The following IKZF3 variants were observed in gnomAD, a reference collection of about 807,000 sequenced individuals.
IKZF3 encodes IKAROS family zinc finger 3.
IKZF3 carries 10 observed loss-of-function variants against 49.0 expected under a neutral mutation model. That is an observed-to-expected ratio of 0.20 (90% CI 0.13 to 0.35). IKZF3 has a LOEUF of 0.35. Ranked by LOEUF, IKZF3 falls within the 10% of genes least tolerant of loss-of-function variation. The pLI is 1.00. For synonymous variants in IKZF3, 209 were observed against 228.2 expected, an observed-to-expected ratio of 0.92 and a Z score of 0.76; for missense variants, 498 against 664.8, an observed-to-expected ratio of 0.75 and a Z score of 2.76.
intron 3 of IKZF3, among the ~76,000 whole-genome samples, chr17:39,803,428 C>G (rs2061365122): frequency 2.0e-5 from 3 of 151,988 alleles, no homozygotes; most frequent in African/African-American, 7.3e-5. Flanking sequence ...AAAGTAGTTA[C>G]CTGGTAGAAA....
In IKZF3 at chr17:39,763,546, T is replaced by C. The variant is rs188500605; in HGVS notation, c.*2244A>G. ...ACAGCTGCATGTGCCAATTTGTGTG[T>C]ATGCTTTGTGGCAAGATCAAAATAC... On this transcript the variant is annotated 3_prime_UTR_variant, in exon 8 of 8. Coordinates refer to ENST00000346872, the MANE Select transcript of IKZF3 (RefSeq NM_012481.5). 1 of 152,340 alleles carries C rather than the reference T, an allele frequency of 6.6e-6. No individual in the cohort carries two copies. The highest frequency in any genetic ancestry group is 1.9e-4 in the East Asian group (1 of 5,194). The allele number at this position is 152,340 out of a possible 1,614,324, so 9.4% of individuals were successfully genotyped here.
chr17:39,821,399 G>C (rs1439461785), intron 3 of IKZF3, among the ~76,000 whole-genome samples: 1 of 152,142 alleles, frequency 6.6e-6, no homozygotes, highest in African/African-American at 2.4e-5. Context: ...TAAAAGGGTA[G>C]GGGATGAGGA....
rs1489541524 is a variant in IKZF3, at chr17:39,788,033, G to A, written c.709+225C>T. Among the ~76,000 whole-genome samples the A allele has an allele frequency of 1.3e-5, 2 of 152,176 alleles. 1 individual carries two copies. Among genetic ancestry groups the A allele is most frequent in the Admixed American group, 1.3e-4 (2 of 15,280 alleles). ...AAGAAGTCTGTTAAAATGTTACCTC[G>A]TTGAAGCCTTCCCTGATTCTCACCC... On this transcript the variant is annotated intron_variant, in intron 6 of 7. Coordinates refer to ENST00000346872, the MANE Select transcript of IKZF3 (RefSeq NM_012481.5).
At chr17:39,778,458 A>G (rs1305024529) in intron 6 of IKZF3, among the ~76,000 whole-genome samples, 1 of 152,208 alleles carries the variant, frequency 6.6e-6, no homozygotes, top group African/African-American at 2.4e-5. Context: ...GAAATTAAAG[A>G]ACAATTTGTA....
At chr17:39,778,827 C>CA in intron 6 of IKZF3, among the ~76,000 whole-genome samples, 1 of 152,098 alleles carries the variant, frequency 6.6e-6, no homozygotes, top group Non-Finnish European at 1.5e-5. Context: ...AAACAAAACA[C>CA]AAAAAAACCT....
At chr17:39,798,007 A>G (rs1449307788) in intron 3 of IKZF3, among the ~76,000 whole-genome samples, 1 of 152,086 alleles carries the variant, frequency 6.6e-6, no homozygotes, top group Non-Finnish European at 1.5e-5. Context: ...TACTCAGGCT[A>G]GAATCCTTAG....
intron 1 of IKZF3, among the ~76,000 whole-genome samples, chr17:39,849,664 A>AAAAC (rs144705303): frequency 0.02 from 3,006 of 152,190 alleles, 108 homozygotes; most frequent in African/African-American, 0.069. Context: ...GAAAAAAAAC[A>AAAAC]AAACAAACAA....
chr17:39,822,172 C>T lies in IKZF3; in HGVS notation c.163+7215G>A, dbSNP rs564235259. Among the ~76,000 whole-genome samples, 15 of 152,284 alleles carry T rather than the reference C, an allele frequency of 9.9e-5. 1 individual carries two copies. The South Asian group carries it at 2.7e-3, about 27-fold the overall frequency. ...TACCCCAGATGAAGCAGCTGATATG[C>T]TTCATATGCAAGCCATGTGGAACTG... On this transcript the variant is annotated intron_variant, in intron 3 of 7. Coordinates refer to ENST00000346872, the MANE Select transcript of IKZF3 (RefSeq NM_012481.5).
intron 3 of IKZF3, among the ~76,000 whole-genome samples, chr17:39,820,610 C>T (rs1245768705): frequency 6.6e-6 from 1 of 152,072 alleles, no homozygotes; most frequent in Non-Finnish European, 1.5e-5. Flanking sequence ...TATTGTTTTG[C>T]TTTGTTTTGT....
intron 1 of IKZF3, among the ~76,000 whole-genome samples, chr17:39,851,276 G>A (rs770275569): frequency 5.3e-5 from 8 of 151,878 alleles, no homozygotes; most frequent in South Asian, 2.1e-4. Context: ...TGATCTGCCC[G>A]CCTCGGTCTC....
At chr17:39,769,692 A>G (rs2060387177) in intron 7 of IKZF3, among the ~76,000 whole-genome samples, 1 of 152,026 alleles carries the variant, frequency 6.6e-6, no homozygotes, top group Non-Finnish European at 1.5e-5. Context: ...GGCCACCTCT[A>G]TTCATCTCCC....
intron 1 of IKZF3, among the ~76,000 whole-genome samples, chr17:39,856,017 T>C (rs1029594865): frequency 6.7e-6 from 1 of 148,406 alleles, no homozygotes; most frequent in African/African-American, 2.5e-5. Flanking sequence ...ATAACATGTA[T>C]ATTGTATATG....
intron 3 of IKZF3, among the ~76,000 whole-genome samples, chr17:39,822,156 T>C (rs995167718): frequency 2.6e-5 from 4 of 152,192 alleles, no homozygotes; most frequent in African/African-American, 7.2e-5. Context: ...ATACCCCAGA[T>C]GAAGCAGCTG....
chr17:39,850,575 T>C (rs1456977724), intron 1 of IKZF3, among the ~76,000 whole-genome samples: 1 of 103,606 alleles, frequency 9.7e-6, no homozygotes, highest in Non-Finnish European at 2.0e-5. Context: ...ATATAGTATA[T>C]AGCATATTAT....
intron 1 of IKZF3, among the ~76,000 whole-genome samples, chr17:39,862,710 T>C (rs759412738): frequency 3.9e-5 from 6 of 152,166 alleles, no homozygotes. Context: ...AAGTTATTGA[T>C]CTACATTCTC....
At chr17:39,819,356 T>C (rs1162948676) in intron 3 of IKZF3, among the ~76,000 whole-genome samples, 1 of 152,166 alleles carries the variant, frequency 6.6e-6, no homozygotes, top group Non-Finnish European at 1.5e-5. Flanking sequence ...TCAGAAACTG[T>C]AACTCAGAAA....
intron 3 of IKZF3, among the ~76,000 whole-genome samples, chr17:39,811,318 G>GGAAAGAAAGAAAGAAA (rs71355418): frequency 2.3e-5 from 3 of 132,692 alleles, no homozygotes; most frequent in African/African-American, 8.2e-5. Flanking sequence ...AAAGAGAGAA[G>GGAAAGAAAGAAAGAAA]GAAAGAAAGA....
chr17:39,841,504 G>A (rs2062466562), intron 1 of IKZF3, among the ~76,000 whole-genome samples: 1 of 152,116 alleles, frequency 6.6e-6, no homozygotes, highest in Admixed American at 6.6e-5. Flanking sequence ...TCCACACAGA[G>A]TGGAGGCCAC....
Position 39,791,489 on chromosome 17 carries a change from A to C in IKZF3, c.519T>G (p.Pro173=). ...RHIKLHTGEK[P]FKCHLCNYAC... ...CATAGTTGCAGAGGTGACACTTAAA[A>C]GGTTTTTCCCCTGTGTGCAGTTTAA... The change falls in exon 5 of 8, where the codon CCT becomes CCG. Residue 173 remains proline, a synonymous_variant. Transcript: ENST00000346872. 6.2e-7 allele frequency: 1 copy of C among 1,614,082 alleles called. No individual in the cohort carries two copies. Among genetic ancestry groups the C allele is most frequent in the Non-Finnish European group, 8.5e-7 (1 of 1,179,984 alleles).
Sources: gnomAD v4.1 joint callset for allele counts (sites outside exome capture counted in the v4.1 genomes callset) on GRCh38, gnomAD v4.1.1 for gene constraint, MANE v1.5 for transcripts, NCBI Gene and HGNC (gene_info 2026-07-23, HGNC 2026-07-21) for gene names.